The following JPH1 variants were observed in gnomAD, a reference collection of about 807,000 sequenced individuals.
JPH1 encodes junctophilin-1.
JPH1 carries 12 observed loss-of-function variants against 53.6 expected under a neutral mutation model. That is an observed-to-expected ratio of 0.22 (90% confidence interval 0.14 to 0.36). The LOEUF (loss-of-function observed/expected upper bound fraction) is 0.36. Ranked by LOEUF, JPH1 falls within the 10% of genes least tolerant of loss-of-function variation. The pLI is 1.00. For synonymous variants in JPH1, 375 were observed against 363.8 expected, an observed-to-expected ratio of 1.03 and a Z score of -0.35; for missense variants, 808 against 905.5, an observed-to-expected ratio of 0.89 and a Z score of 1.38.
intron 2 of JPH1, among the ~76,000 whole-genome samples, chr8:74,264,087 G>A (rs1806468722): frequency 6.6e-6 from 1 of 152,166 alleles, no homozygotes; most frequent in Admixed American, 6.5e-5. Context: ...TCCTCTGCAA[G>A]GCTCAGCACA....
chr8:74,265,926 C>T (rs1237491225), intron 2 of JPH1, among the ~76,000 whole-genome samples: 5 of 151,270 alleles, frequency 3.3e-5, no homozygotes, highest in African/African-American at 1.2e-4. Flanking sequence ...CTATTTCACA[C>T]CCATAAGGAT....
At chr8:74,305,448 G>GT (rs1807805729) in intron 2 of JPH1, among the ~76,000 whole-genome samples, 1 of 152,230 alleles carries the variant, frequency 6.6e-6, no homozygotes, top group African/African-American at 2.4e-5. Context: ...AAACATAGGA[G>GT]TAGGGTGGTT....
chr8:74,246,966 A>G (rs140389308), intron 3 of JPH1, among the ~76,000 whole-genome samples: 1 of 152,344 alleles, frequency 6.6e-6, no homozygotes, highest in East Asian at 1.9e-4. Context: ...GCAAGCATTC[A>G]AAAGGCGATG....
At chr8:74,270,938 G>C (rs1563405239) in intron 2 of JPH1, among the ~76,000 whole-genome samples, 1 of 152,090 alleles carries the variant, frequency 6.6e-6, no homozygotes, top group Non-Finnish European at 1.5e-5. Flanking sequence ...GGGATGGATG[G>C]ACTCCTGCTG....
At position 74,315,265 on chromosome 8, in the gene JPH1, C is replaced by T; in HGVS notation, c.735G>A (p.Met245Ile). 1 of 1,614,194 alleles carries T rather than the reference C, an allele frequency of 6.2e-7. No individual in the cohort carries two copies. Among genetic ancestry groups the T allele is most frequent in the Middle Eastern group, 1.6e-4 (1 of 6,062 alleles). The change falls in exon 2 of 6, where the codon ATG becomes ATA. Residue 245 changes from methionine to isoleucine, a missense_variant. By Grantham distance (10) the Met-to-Ile change is conservative. Transcript: ENST00000342232. The surrounding 1 kb of genome is among the most constrained non-coding windows in gnomAD (Gnocchi z 6.3). ...KRSSVRSDAA[M>I]SRISSSDANS... Reference sequence around the variant, plus strand: ...TGGCATCGCTGGAACTAATTCTGCTCATGGCCGCGTCGCTGCGGACAGAGC... The same window carrying T: ...TGGCATCGCTGGAACTAATTCTGCTTATGGCCGCGTCGCTGCGGACAGAGC...
chr8:74,290,530 A>G (rs767759081), intron 2 of JPH1, among the ~76,000 whole-genome samples: 6 of 152,240 alleles, frequency 3.9e-5, no homozygotes, highest in African/African-American at 1.4e-4. Flanking sequence ...AGGAAGAATC[A>G]ATGTTGTGAA....
intron 2 of JPH1, among the ~76,000 whole-genome samples, chr8:74,298,271 A>G (rs1455898234): frequency 6.6e-6 from 1 of 152,144 alleles, no homozygotes; most frequent in Non-Finnish European, 1.5e-5. Context: ...TTATGCTCTT[A>G]GCTAATTGTA....
rs1348970506 is a variant in JPH1 at position 74,294,057 on chromosome 8, G to C, written c.1139+20804C>G. Among the ~76,000 whole-genome samples the C allele has an allele frequency of 2.6e-5, 4 of 152,122 alleles. No homozygotes were observed. In the South Asian group the frequency reaches 8.3e-4, roughly 32 times the overall value. On this transcript the variant is annotated intron_variant, in intron 2 of 5. Coordinates refer to ENST00000342232, the MANE Select transcript of JPH1 (RefSeq NM_020647.4). ...CAAAACACAATGCAGGCGTCACTCTGGTCTGTCCTTGGGGGCTGGTGGTGG... is the reference window on the plus strand; with the variant it reads ...CAAAACACAATGCAGGCGTCACTCTCGTCTGTCCTTGGGGGCTGGTGGTGG...
intron 2 of JPH1, among the ~76,000 whole-genome samples, chr8:74,264,959 C>T (rs1806490693): frequency 6.6e-6 from 1 of 152,138 alleles, no homozygotes; most frequent in African/African-American, 2.4e-5. Flanking sequence ...TCGATTGTTT[C>T]TCTTTTTGTT....
At chr8:74,262,168 T>C (rs1171064032) in intron 2 of JPH1, among the ~76,000 whole-genome samples, 1 of 152,198 alleles carries the variant, frequency 6.6e-6, no homozygotes, top group Non-Finnish European at 1.5e-5. Context: ...TCCTGAAGTC[T>C]GCTCAAGAGC....
In JPH1 at chr8:74,315,230, A is replaced by C; in HGVS notation, c.770T>G (p.Ile257Ser). The C allele has an allele frequency of 6.2e-7, 1 of 1,614,160 alleles. No homozygotes were observed. The highest frequency in any genetic ancestry group is 1.1e-5 in the South Asian group (1 of 91,074). ...ATCACAATCTACATCGCCAAAGCTG[A>C]TCGTGGAGTTGGCATCGCTGGAACT... ...RISSSDANST[I>S]SFGDVDCDFC... is the part of the protein sequence containing the mutation. Residue 257 changes from isoleucine to serine, a missense_variant, in exon 2 of 6, where the codon ATC (isoleucine) becomes AGC (serine). Around this residue, in one of 2 missense-constraint regions of JPH1, gnomAD observed 756 missense variants for 811.9 expected, o/e 0.93. Coordinates refer to ENST00000342232, the MANE Select transcript of JPH1 (RefSeq NM_020647.4). The surrounding 1 kb of genome is among the most constrained non-coding windows in gnomAD (Gnocchi z 6.3).
intron 2 of JPH1, among the ~76,000 whole-genome samples, chr8:74,261,644 A>T (rs1361455600): frequency 6.6e-6 from 1 of 152,178 alleles, no homozygotes; most frequent in Non-Finnish European, 1.5e-5. Context: ...TGTGCCTGAT[A>T]ATCAACAGAT....
chr8:74,319,206 G>C (rs1351297698), intron 1 of JPH1, among the ~76,000 whole-genome samples: 2 of 152,162 alleles, frequency 1.3e-5, no homozygotes, highest in African/African-American at 4.8e-5. Flanking sequence ...TAAACCAAGA[G>C]AGTGTGTTTA....
chr8:74,243,263 A>C (rs1805749820), intron 4 of JPH1, among the ~76,000 whole-genome samples: 1 of 152,262 alleles, frequency 6.6e-6, no homozygotes, highest in South Asian at 2.1e-4. Flanking sequence ...TGTCATATTA[A>C]GGTTTAAAAT....
chr8:74,293,588 T>C (rs1015765515), intron 2 of JPH1, among the ~76,000 whole-genome samples: 1 of 152,168 alleles, frequency 6.6e-6, no homozygotes, highest in Non-Finnish European at 1.5e-5. Flanking sequence ...TCAAAATAAT[T>C]CCCTAAATTT....
rs961198924 is a variant in JPH1 at position 74,320,776 on chromosome 8, T to G, written c.379+133A>C. Reference sequence around the variant, plus strand: ...GGAAAGGCGGGCGCGGGCGCGGGGGTGGGAGGCGCCCCCAGGTGTTTTGGC... The same window carrying G: ...GGAAAGGCGGGCGCGGGCGCGGGGGGGGGAGGCGCCCCCAGGTGTTTTGGC... On this transcript the variant is annotated intron_variant, in intron 1 of 5. Transcript: ENST00000342232. The surrounding 1 kb of genome is among the most constrained non-coding windows in gnomAD (Gnocchi z 4.4). The G allele has an allele frequency of 1.8e-6, 2 of 1,101,402 alleles. No individual in the cohort carries two copies. Among genetic ancestry groups the G allele is most frequent in the Non-Finnish European group, 1.2e-6 (1 of 829,028 alleles). The allele number at this position is 1,101,402 out of a possible 1,614,324, so 68.2% of individuals were successfully genotyped here. A position where few individuals can be genotyped will look rare whatever the true frequency, so the allele number is the denominator to read the frequency against.
At chr8:74,306,289 T>A (rs908848411) in intron 2 of JPH1, among the ~76,000 whole-genome samples, 5 of 152,072 alleles carry the variant, frequency 3.3e-5, no homozygotes, top group African/African-American at 1.2e-4. Context: ...TTTCAGCTGT[T>A]CCCTCAGTGC....
At chr8:74,306,103 T>A (rs148382652) in intron 2 of JPH1, among the ~76,000 whole-genome samples, 6 of 152,210 alleles carry the variant, frequency 3.9e-5, no homozygotes, top group African/African-American at 1.2e-4. Context: ...TCCCATGTTA[T>A]GCGTAATGAC....
At position 74,244,911 on chromosome 8, in the gene JPH1, G is replaced by A; in HGVS notation, c.1523C>T (p.Ala508Val). 6.2e-7 allele frequency: 1 copy of A among 1,614,126 alleles called. No individual in the cohort carries two copies. The highest frequency in any genetic ancestry group is 8.5e-7 in the Non-Finnish European group (1 of 1,180,046). ...KRSVADEQVT[A>V]IVNKPLMSKA... is the part of the protein sequence containing the mutation. ...TGACATCAAGGGCTTATTGACAATG[G>A]CCGTCACCTGCTCATCAGCCACACT... Residue 508 changes from alanine (A) to valine (V), a missense_variant, in exon 4 of 6, where the codon GCC (alanine) becomes GTC (valine). Ala to Val is a moderately conservative substitution (Grantham distance 64). This residue lies in a region of JPH1 where 756 missense variants were observed against 811.9 expected (regional missense o/e 0.93). Transcript: ENST00000342232.
Sources: gnomAD v4.1 joint callset for allele counts (sites outside exome capture counted in the v4.1 genomes callset) on GRCh38, gnomAD v4.1.1 for gene constraint, gnomAD v4.1.1 regional missense constraint, Gnocchi (gnomAD v3.1) non-coding constraint, MANE v1.5 for transcripts, NCBI Gene and HGNC (gene_info 2026-07-23, HGNC 2026-07-21) for gene names.